TRPS1: variants seen among roughly 807,000 people sequenced by gnomAD.
TRPS1 encodes the protein transcriptional repressor GATA binding 1.
TRPS1 carries 6 observed loss-of-function variants against 101.2 expected under a neutral mutation model. That is an observed-to-expected ratio of 0.06 (90% confidence interval 0.03 to 0.12). The LOEUF is 0.12. TRPS1 is among the 10% of genes least tolerant of loss of function. The pLI is 1.00. For missense variants in TRPS1, 1,363 were observed against 1,567.0 expected, an observed-to-expected ratio of 0.87 and a Z score of 2.20; for synonymous variants, 578 against 589.8, an observed-to-expected ratio of 0.98 and a Z score of 0.29.
intron 5 of TRPS1, among the ~76,000 whole-genome samples, chr8:115,524,706 G>T (rs1254877555): frequency 2.0e-5 from 3 of 151,970 alleles, no homozygotes; most frequent in Non-Finnish European, 2.9e-5. Context: ...TAAATCTGTG[G>T]TAAACAAACA....
intron 5 of TRPS1, among the ~76,000 whole-genome samples, chr8:115,566,091 A>G (rs774042389): frequency 1.3e-5 from 2 of 152,194 alleles, no homozygotes; most frequent in Non-Finnish European, 1.5e-5. Context: ...TTGAATTACC[A>G]TAACATCTTT....
chr8:115,491,974 A>G (rs1392282986), intron 5 of TRPS1, among the ~76,000 whole-genome samples: 1 of 152,178 alleles, frequency 6.6e-6, no homozygotes, highest in Admixed American at 6.5e-5. Flanking sequence ...TTGTAATAAC[A>G]TTTTCATAAA....
chr8:115,660,421 A>G (rs776848165), intron 1 of TRPS1, among the ~76,000 whole-genome samples: 1 of 151,964 alleles, frequency 6.6e-6, no homozygotes, highest in Non-Finnish European at 1.5e-5. Flanking sequence ...TACTGGATTC[A>G]TTCCTGGTTA....
intron 5 of TRPS1, among the ~76,000 whole-genome samples, chr8:115,520,486 T>C (rs1815831313): frequency 6.6e-6 from 1 of 151,812 alleles, no homozygotes; most frequent in African/African-American, 2.4e-5. Context: ...TTATTGTTTA[T>C]GTAGGCTTTG....
chr8:115,508,436 AG>A (rs2130175879), intron 5 of TRPS1, among the ~76,000 whole-genome samples: 1 of 152,256 alleles, frequency 6.6e-6, no homozygotes, highest in Non-Finnish European at 1.5e-5. Context: ...TCCTCAGCCG[AG>A]GAAACGAATG....
chr8:115,460,168 C>T (rs1449366254), intron 5 of TRPS1, among the ~76,000 whole-genome samples: 1 of 152,032 alleles, frequency 6.6e-6, no homozygotes, highest in Non-Finnish European at 1.5e-5. Flanking sequence ...AATAAATGTT[C>T]AGTATATTAA....
At chr8:115,605,200 C>T (rs969507334) in intron 3 of TRPS1, among the ~76,000 whole-genome samples, 198 bp from the exon 4 acceptor site, 2 of 152,118 alleles carry the variant, frequency 1.3e-5, no homozygotes, top group African/African-American at 2.4e-5. Flanking sequence ...TTGAGAGGCT[C>T]ATTATGTTAT....
At chr8:115,505,109 C>G (rs1372191024) in intron 5 of TRPS1, among the ~76,000 whole-genome samples, 1 of 152,046 alleles carries the variant, frequency 6.6e-6, no homozygotes, top group African/African-American at 2.4e-5. Context: ...CTGTAGAATT[C>G]TGTAGAATTC....
chr8:115,575,345 TAA>T (rs994060781), intron 5 of TRPS1, among the ~76,000 whole-genome samples: 3 of 152,124 alleles, frequency 2.0e-5, no homozygotes, highest in African/African-American at 4.8e-5. Flanking sequence ...AAAGTGAAAT[TAA>T]AAGTTATTTA....
chr8:115,441,115 G>A (rs112055937), intron 5 of TRPS1, among the ~76,000 whole-genome samples: 9 of 152,222 alleles, frequency 5.9e-5, no homozygotes, highest in African/African-American at 2.2e-4. Context: ...TAATTAGGCC[G>A]CCTTTCTAAC....
chr8:115,428,510 A>G (rs1813242470), intron 5 of TRPS1, among the ~76,000 whole-genome samples: 1 of 152,232 alleles, frequency 6.6e-6, no homozygotes, highest in Admixed American at 6.5e-5. Flanking sequence ...GATGGCAACC[A>G]CTGCTTATTT....
chr8:115,472,241 T>A (rs1415833664), intron 5 of TRPS1, among the ~76,000 whole-genome samples: 2 of 152,182 alleles, frequency 1.3e-5, no homozygotes. Context: ...AGGCCAATGT[T>A]CCCAAACCTC....
At chr8:115,546,861 G>A (rs1489279866) in intron 5 of TRPS1, among the ~76,000 whole-genome samples, 1 of 152,126 alleles carries the variant, frequency 6.6e-6, no homozygotes, top group East Asian at 1.9e-4. Context: ...TGGTAAAACA[G>A]AAGCACAGAT....
At chr8:115,585,913 A>G (rs1313616215) in intron 5 of TRPS1, among the ~76,000 whole-genome samples, 1 of 152,198 alleles carries the variant, frequency 6.6e-6, no homozygotes, top group Admixed American at 6.5e-5. Context: ...CAACTCCGCT[A>G]GAGAATACTG....
chr8:115,512,597 G>T (rs150433268), intron 5 of TRPS1, among the ~76,000 whole-genome samples: 1 of 150,718 alleles, frequency 6.6e-6, no homozygotes, highest in African/African-American at 2.4e-5. Context: ...ATTTTTGGCC[G>T]GAAAATACTA....
At chr8:115,483,055 G>A (rs1382507787) in intron 5 of TRPS1, among the ~76,000 whole-genome samples, 3 of 152,102 alleles carry the variant, frequency 2.0e-5, no homozygotes. Flanking sequence ...TCCTTTTGAG[G>A]AGCAGACATC....
At chr8:115,655,727 C>A (rs941360142) in intron 1 of TRPS1, among the ~76,000 whole-genome samples, 4 of 152,114 alleles carry the variant, frequency 2.6e-5, no homozygotes, top group African/African-American at 9.7e-5. Flanking sequence ...AAAAGAGCTA[C>A]TGAACTTTTC....
intron 5 of TRPS1, among the ~76,000 whole-genome samples, chr8:115,436,678 T>C (rs1268930392): frequency 1.3e-5 from 2 of 152,298 alleles, no homozygotes; most frequent in East Asian, 3.9e-4. Context: ...TTTCTCAAAC[T>C]CTCATCTGTG....
At chr8:115,637,039 G>A (rs1440429859) in intron 1 of TRPS1, among the ~76,000 whole-genome samples, 3 of 151,938 alleles carry the variant, frequency 2.0e-5, no homozygotes, top group Admixed American at 1.3e-4. Context: ...AATAACCAAC[G>A]TGGTCAATGG....
Sources: allele counts gnomAD v4.1 joint callset (sites outside exome capture counted in the v4.1 genomes callset), GRCh38; gene constraint gnomAD v4.1.1; transcripts MANE v1.5; gene names NCBI Gene and HGNC (gene_info 2026-07-23, HGNC 2026-07-21).